Variants in TAOK1 observed in about 807,000 individuals in gnomAD.
TAOK1 encodes TAO kinase 1.
In TAOK1, 21 loss-of-function variants were observed where a neutral mutation model predicts 138.3. The observed-to-expected ratio is 0.15, with a 90% CI of 0.11 to 0.22. The LOEUF (loss-of-function observed/expected upper bound fraction) is 0.22, where lower values mean the gene tolerates loss of function less well. TAOK1 is among the 10% of genes least tolerant of loss of function. The probability of loss-of-function intolerance (pLI) is 1.00; values close to 1 mark genes in which losing one functional copy is unlikely to be tolerated. For synonymous variants in TAOK1, 361 were observed against 398.4 expected (o/e 0.91, Z 1.12); for missense variants, 651 against 1,227.7 (o/e 0.53, Z 7.02).
intron 1 of TAOK1, among the ~76,000 whole-genome samples, chr17:29,418,218 C>T (rs1905316391): frequency 6.6e-6 from 1 of 151,906 alleles, no homozygotes; most frequent in African/African-American, 2.4e-5. Flanking sequence ...GGATCTTGCT[C>T]TGTTGCCGAA....
In TAOK1 at chr17:29,550,603, CTT is replaced by C. The variant is rs759766273; in HGVS notation, c.*7582_*7583del. On this transcript the variant is annotated 3_prime_UTR_variant, in exon 20 of 20. Coordinates refer to ENST00000261716, the MANE Select transcript of TAOK1 (RefSeq NM_020791.4). ...TGTATTGTGAAGATTTAAAAACAAA[CTT>C]GAGATTTTTAACGTAACTATTAACA... is the stretch of plus-strand genomic sequence containing the variant. 2 of 152,170 alleles carry C rather than the reference CTT, an allele frequency of 1.3e-5. No individual in the cohort carries two copies. Among genetic ancestry groups the C allele is most frequent in the Non-Finnish European group, 1.5e-5 (1 of 68,020 alleles). The allele number at this position is 152,170 out of a possible 1,614,324, so 9.4% of individuals were successfully genotyped here. A position where few individuals can be genotyped will look rare whatever the true frequency, so the allele number is the denominator to read the frequency against.
rs529772121 is a variant in TAOK1, at chr17:29,502,737, C to T, written c.1338+14C>T. 4 of 1,601,416 alleles carry T rather than the reference C, an allele frequency of 2.5e-6. No individual in the cohort carries two copies. The highest frequency in any genetic ancestry group is 4.5e-5 in the East Asian group (2 of 44,562). On this transcript the variant is annotated intron_variant, in intron 13 of 19. Coordinates refer to ENST00000261716, the MANE Select transcript of TAOK1 (RefSeq NM_020791.4). ...ACAGCATCACTGGTATGTACTTACC[C>T]GAATTAGAGATAAATATATTTTTCA...
chr17:29,446,975 G>A (rs1032868779), intron 1 of TAOK1, among the ~76,000 whole-genome samples: 2 of 150,728 alleles, frequency 1.3e-5, no homozygotes, highest in East Asian at 2.0e-4. Flanking sequence ...CCTGACTAGG[G>A]ATGATCCACC....
intron 7 of TAOK1, among the ~76,000 whole-genome samples, chr17:29,481,833 G>A (rs1276087458): frequency 3.3e-5 from 5 of 152,106 alleles, no homozygotes; most frequent in South Asian, 4.2e-4. Context: ...GGTGGCGGGC[G>A]CCTGTAGTCC....
At chr17:29,442,049 T>C (rs778683924) in intron 1 of TAOK1, among the ~76,000 whole-genome samples, 2 of 151,770 alleles carry the variant, frequency 1.3e-5, no homozygotes, top group Non-Finnish European at 2.9e-5. Context: ...TTTTCTGTCT[T>C]TTTTTTTGTT....
chr17:29,404,914 A>C (rs1904951570), intron 1 of TAOK1, among the ~76,000 whole-genome samples: 1 of 152,212 alleles, frequency 6.6e-6, no homozygotes. Context: ...CCAAGATTTT[A>C]GTATCCATTA....
chr17:29,508,123 GGA>G lies in TAOK1; in HGVS notation c.1569_1570del (p.Lys524ArgfsTer3). 6.2e-7 allele frequency: 1 copy of G among 1,613,248 alleles called. No individual in the cohort carries two copies. The highest frequency in any genetic ancestry group is 8.5e-7 in the Non-Finnish European group (1 of 1,179,252). On this transcript the variant is annotated frameshift_variant, in exon 14 of 20. Transcript: ENST00000261716. LOFTEE classifies it high-confidence loss of function. ...TTATCAAGAAACACCAGGCTGCCAT[GGA>G]GAAAGAGGTGGCTTATTCAGTATTA... is the stretch of plus-strand genomic sequence containing the variant. ...KLIKKHQAAM[E>X]KEAKVMSNEE...
intron 1 of TAOK1, among the ~76,000 whole-genome samples, chr17:29,396,990 CA>C (rs555104841): frequency 0.37 from 25,927 of 69,504 alleles, 3,809 homozygotes; most frequent in East Asian, 0.72. Context: ...AACTCTGTCT[CA>C]AAAAAAAAAA....
intron 1 of TAOK1, among the ~76,000 whole-genome samples, chr17:29,438,882 A>G (rs1322216693): frequency 1.3e-5 from 2 of 152,148 alleles, no homozygotes; most frequent in African/African-American, 4.8e-5. Flanking sequence ...CCAACTTTTT[A>G]TTTTGAAAAA....
intron 1 of TAOK1, among the ~76,000 whole-genome samples, chr17:29,421,865 A>G (rs1175146440): frequency 6.6e-6 from 1 of 151,114 alleles, no homozygotes. Context: ...GGCTTCCTAT[A>G]GTGCTAGGAT....
chr17:29,440,638 C>T (rs539694637), intron 1 of TAOK1, among the ~76,000 whole-genome samples: 18 of 151,780 alleles, frequency 1.2e-4, no homozygotes, highest in Non-Finnish European at 2.5e-4. Context: ...TGCAGTCACG[C>T]GATCTCAGCT....
At position 29,492,573 on chromosome 17, in the gene TAOK1, G is replaced by A. The variant is rs538461704; in HGVS notation, c.831+708G>A. Among the ~76,000 whole-genome samples the A allele has an allele frequency of 5.1e-3, 758 of 148,600 alleles. 8 individuals carry two copies. The highest frequency in any genetic ancestry group is 0.018 in the African/African-American group (710 of 40,410). Reference sequence around the variant, plus strand: ...TTTGGGAGGCTGAGGCAGGCCGATCGCGAAGTCAGGAGTTCAAGACCATCC... The same window carrying A: ...TTTGGGAGGCTGAGGCAGGCCGATCACGAAGTCAGGAGTTCAAGACCATCC... On this transcript the variant is annotated intron_variant, in intron 10 of 19. Transcript: ENST00000261716.
chr17:29,478,105 G>A, intron 5 of TAOK1, 146 bp from the exon 6 acceptor site: 1 of 558,934 alleles, frequency 1.8e-6, no homozygotes, highest in Non-Finnish European at 3.0e-6. Context: ...CTGCATACAA[G>A]TTATAAAGTT....
At chr17:29,464,404 G>T (rs577258688) in intron 2 of TAOK1, among the ~76,000 whole-genome samples, 28 of 147,874 alleles carry the variant, frequency 1.9e-4, no homozygotes, top group Non-Finnish European at 1.5e-4. Flanking sequence ...AGATCGCAGC[G>T]CTGCACTCCA....
At chr17:29,492,007 C>T in intron 10 of TAOK1, 142 bp downstream of exon 10, 1 of 588,792 alleles carries the variant, frequency 1.7e-6, no homozygotes, top group Non-Finnish European at 3.0e-6. Flanking sequence ...ACCTCAGCCT[C>T]CCAAGTAGCC....
chr17:29,544,562 A>G lies in TAOK1; in HGVS notation c.*1540A>G, dbSNP rs1325033546. ...CTAACTCTTATTTTTCAGGGGGCAC[A>G]TGTTTTGTTTTGTTATGTTTTGTTG... On this transcript the variant is annotated 3_prime_UTR_variant, in exon 20 of 20. Transcript: ENST00000261716. 1 of 152,040 alleles carries G rather than the reference A, an allele frequency of 6.6e-6. No individual in the cohort carries two copies. Among genetic ancestry groups the G allele is most frequent in the Non-Finnish European group, 1.5e-5 (1 of 68,000 alleles). The allele number at this position is 152,040 out of a possible 1,614,324, so 9.4% of individuals were successfully genotyped here.
At chr17:29,493,351 G>A (rs754256124) in intron 10 of TAOK1, among the ~76,000 whole-genome samples, 18 of 151,834 alleles carry the variant, frequency 1.2e-4, no homozygotes, top group Admixed American at 6.6e-4. Flanking sequence ...AAAATTAGCC[G>A]GACGTGGTGG....
At chr17:29,453,308 C>T (rs1283770917) in intron 2 of TAOK1, among the ~76,000 whole-genome samples, 2 of 149,666 alleles carry the variant, frequency 1.3e-5, no homozygotes, top group Non-Finnish European at 3.0e-5. Flanking sequence ...TACAGGCGCC[C>T]ACCACCACGC....
At chr17:29,397,741 G>C (rs553399490) in intron 1 of TAOK1, among the ~76,000 whole-genome samples, 1 of 106,796 alleles carries the variant, frequency 9.4e-6, no homozygotes, top group Non-Finnish European at 1.9e-5. Flanking sequence ...ATATATACAC[G>C]TATATATACA....
Sources: allele counts gnomAD v4.1 joint callset (sites outside exome capture counted in the v4.1 genomes callset), GRCh38; gene constraint gnomAD v4.1.1; transcripts MANE v1.5; gene names NCBI Gene and HGNC (gene_info 2026-07-23, HGNC 2026-07-21).